The following C12orf42 variants were observed in gnomAD, a reference collection of about 807,000 sequenced individuals.
C12orf42 encodes the protein uncharacterized protein C12orf42.
C12orf42 carries 25 observed loss-of-function variants against 21.6 expected under a neutral mutation model. That is an observed-to-expected ratio of 1.16 (90% CI 0.84 to 1.62). The LOEUF is 1.62. Ranked by LOEUF, C12orf42 falls within the 40% of genes most tolerant of loss-of-function variation. The pLI, the probability that C12orf42 is intolerant of heterozygous loss-of-function variation, is 0.00. For missense variants in C12orf42, 483 were observed against 459.3 expected (o/e 1.05, Z -0.47); for synonymous variants, 174 against 175.0 (o/e 0.99, Z 0.05).
intron 4 of C12orf42, among the ~76,000 whole-genome samples, chr12:103,346,327 A>G (rs7980492): frequency 0.11 from 16,708 of 152,246 alleles, 1,090 homozygotes; most frequent in East Asian, 0.2. Flanking sequence ...TTATAAATGA[A>G]TAAACACATT....
At chr12:103,359,370 C>T (rs1041580083) in intron 4 of C12orf42, among the ~76,000 whole-genome samples, 9 of 151,982 alleles carry the variant, frequency 5.9e-5, no homozygotes, top group African/African-American at 2.2e-4. Flanking sequence ...CATTTCATCA[C>T]CTCAATGAAC....
intron 4 of C12orf42, among the ~76,000 whole-genome samples, chr12:103,351,546 G>A (rs963609575): frequency 1.7e-4 from 26 of 152,042 alleles, no homozygotes; most frequent in African/African-American, 4.8e-4. Flanking sequence ...CACATTCAAC[G>A]CATACTATTT....
intron 4 of C12orf42, among the ~76,000 whole-genome samples, chr12:103,355,030 C>T (rs149686030): frequency 4.2e-4 from 64 of 151,912 alleles, no homozygotes; most frequent in Middle Eastern, 6.8e-3. Context: ...CAAATATGTG[C>T]GATTACTATG....
At chr12:103,190,460 A>C in the C12orf42 span, among the ~76,000 whole-genome samples, 1 of 152,180 alleles carries the variant, frequency 6.6e-6, no homozygotes, top group Non-Finnish European at 1.5e-5. Flanking sequence ...GGCATCCCTC[A>C]ATCCAGTCAA....
intron 2 of C12orf42, among the ~76,000 whole-genome samples, chr12:103,434,678 T>C (rs1013460983): frequency 5.3e-5 from 8 of 152,116 alleles, no homozygotes; most frequent in African/African-American, 1.9e-4. Flanking sequence ...CACCCGAATA[T>C]TGCGCTTTTC....
chr12:103,094,517 G>A, the C12orf42 span, among the ~76,000 whole-genome samples: 1 of 151,954 alleles, frequency 6.6e-6, no homozygotes, highest in Non-Finnish European at 1.5e-5. Flanking sequence ...CTTTCCCCTG[G>A]TACCTTCCTT....
chr12:103,426,653 A>G (rs1265369743), intron 2 of C12orf42, among the ~76,000 whole-genome samples: 1 of 152,220 alleles, frequency 6.6e-6, no homozygotes. Context: ...CCCAAGACAC[A>G]TAATTGTCGG....
At chr12:103,085,023 A>G in the C12orf42 span, among the ~76,000 whole-genome samples, 1 of 152,316 alleles carries the variant, frequency 6.6e-6, no homozygotes. Flanking sequence ...GACAATGTTG[A>G]AGAGTTGGTG....
chr12:103,229,321 C>T, the C12orf42 span, among the ~76,000 whole-genome samples: 2 of 152,142 alleles, frequency 1.3e-5, no homozygotes, highest in African/African-American at 4.8e-5. Flanking sequence ...GCAGGAAGTC[C>T]CGTGATAGTA....
intron 5 of C12orf42, 83 bp from the exon 6 acceptor site, chr12:103,302,642 C>A: frequency 1.8e-6 from 2 of 1,124,006 alleles, no homozygotes; most frequent in Non-Finnish European, 2.5e-6. Flanking sequence ...AACTGGACGT[C>A]TGAGAAATCA....
At chr12:103,303,686 AC>A (rs1566040368) in intron 5 of C12orf42, among the ~76,000 whole-genome samples, 1 of 152,230 alleles carries the variant, frequency 6.6e-6, no homozygotes, top group South Asian at 2.1e-4. Flanking sequence ...CCTAGTATGT[AC>A]TGAGCACCTC....
intron 2 of C12orf42, among the ~76,000 whole-genome samples, chr12:103,410,882 A>G (rs980515912): frequency 6.6e-6 from 1 of 152,326 alleles, no homozygotes; most frequent in African/African-American, 2.4e-5. Flanking sequence ...GTTACTGAGC[A>G]CATCTCAGCA....
At position 103,438,518 on chromosome 12, in the gene C12orf42, A is replaced by C. The variant is rs924392774; in HGVS notation, c.79-36843T>G. Among the ~76,000 whole-genome samples the C allele has an allele frequency of 5.5e-3, 835 of 152,194 alleles. 9 individuals are homozygous for C. Among genetic ancestry groups the C allele is most frequent in the African/African-American group, 0.019 (806 of 41,506 alleles). On this transcript the variant is annotated intron_variant, in intron 2 of 5. Transcript: ENST00000548883. ...TGTATCTGGAAAACCTCATTGTCTC[A>C]GCCCAAAATCTCCTTAAGCTGATAA... is the stretch of plus-strand genomic sequence containing the variant.
intron 1 of C12orf42, among the ~76,000 whole-genome samples, chr12:103,491,447 A>T (rs1302576266): frequency 6.6e-6 from 1 of 152,208 alleles, no homozygotes; most frequent in East Asian, 1.9e-4. Context: ...ATAGAAACAA[A>T]CACTCCTTGC....
intron 4 of C12orf42, among the ~76,000 whole-genome samples, chr12:103,342,875 TGCTTGG>T (rs1412074277): frequency 1.3e-5 from 2 of 152,190 alleles, no homozygotes; most frequent in African/African-American, 2.4e-5. Context: ...ACCAGGCAAG[TGCTTGG>T]GCACATGCAA....
At chr12:103,117,240 T>C in the C12orf42 span, among the ~76,000 whole-genome samples, 3 of 152,254 alleles carry the variant, frequency 2.0e-5, no homozygotes, top group African/African-American at 7.2e-5. Context: ...TCCTCTGTTT[T>C]CCTTTCTAAT....
At chr12:103,486,210 T>A (rs1398177009) in intron 1 of C12orf42, among the ~76,000 whole-genome samples, 1 of 152,220 alleles carries the variant, frequency 6.6e-6, no homozygotes, top group African/African-American at 2.4e-5. Flanking sequence ...CAAAGGCCTT[T>A]TCTACATCTA....
intron 4 of C12orf42, among the ~76,000 whole-genome samples, chr12:103,292,701 TACTG>T (rs1663681216): frequency 6.6e-6 from 1 of 152,114 alleles, no homozygotes; most frequent in Non-Finnish European, 1.5e-5. Flanking sequence ...TTGCTAGGTA[TACTG>T]ACTAATAATA....
At chr12:103,225,412 G>A in the C12orf42 span, among the ~76,000 whole-genome samples, 5 of 152,270 alleles carry the variant, frequency 3.3e-5, no homozygotes, top group Non-Finnish European at 7.3e-5. Context: ...AGCGTGTTGC[G>A]GGACGGGATA....
Sources: gnomAD v4.1 joint callset for allele counts (sites outside exome capture counted in the v4.1 genomes callset) on GRCh38, gnomAD v4.1.1 for gene constraint, MANE v1.5 for transcripts, NCBI Gene and HGNC (gene_info 2026-07-23, HGNC 2026-07-21) for gene names.